GPC5: variants seen among roughly 807,000 people sequenced by gnomAD.
GPC5 encodes the protein glypican 5, also known as glypican-5.
A neutral mutation model predicts 53.9 loss-of-function variants in GPC5; 47 were observed. The observed-to-expected ratio is 0.87, with a 90% CI of 0.69 to 1.11. The LOEUF (loss-of-function observed/expected upper bound fraction) is 1.11, where lower values mean the gene tolerates loss of function less well. Among genes scored for constraint, GPC5 ranks in the 50% most tolerant of loss-of-function variants. The pLI, the probability that GPC5 is intolerant of heterozygous loss-of-function variation, is 0.00. For missense variants in GPC5, 748 were observed against 713.1 expected (o/e 1.05, Z -0.56); for synonymous variants, 286 against 263.3 (o/e 1.09, Z -0.84).
intron 7 of GPC5, among the ~76,000 whole-genome samples, chr13:92,796,431 A>T (rs757804495): frequency 6.6e-6 from 1 of 152,058 alleles, no homozygotes; most frequent in Non-Finnish European, 1.5e-5. Context: ...TTATGGGTGC[A>T]GCAAACCAAC....
At chr13:92,558,004 A>G (rs1269546357) in intron 7 of GPC5, among the ~76,000 whole-genome samples, 2 of 152,032 alleles carry the variant, frequency 1.3e-5, no homozygotes, top group Non-Finnish European at 2.9e-5. Flanking sequence ...GATAAATATA[A>G]AGACTTTGGA....
At chr13:91,607,825 C>T (rs1411535141) in intron 2 of GPC5, among the ~76,000 whole-genome samples, 1 of 152,120 alleles carries the variant, frequency 6.6e-6, no homozygotes, top group African/African-American at 2.4e-5. Flanking sequence ...TAAATTAAGG[C>T]GTGGACCTTT....
At chr13:91,992,519 G>A (rs947304511) in intron 6 of GPC5, among the ~76,000 whole-genome samples, 16 of 150,146 alleles carry the variant, frequency 1.1e-4, no homozygotes, top group Admixed American at 2.7e-4. Context: ...GTGCAGTGGC[G>A]CGATCTTGGC....
intron 6 of GPC5, among the ~76,000 whole-genome samples, chr13:92,009,571 T>C (rs1214669988): frequency 6.6e-6 from 1 of 152,190 alleles, no homozygotes; most frequent in African/African-American, 2.4e-5. Flanking sequence ...CTTACACATA[T>C]GCAGCTTTTA....
rs116077317 is a variant in GPC5, at chr13:92,369,142, T to A, written c.1561+224153T>A. ...GACAGTTAAACATCAGCTGTGAATA[T>A]ATCATCAATGCACCTTTAGAACTGT... is the stretch of plus-strand genomic sequence containing the variant. On this transcript the variant is annotated intron_variant, in intron 7 of 7. Coordinates refer to ENST00000377067, the MANE Select transcript of GPC5 (RefSeq NM_004466.6). Among the ~76,000 whole-genome samples, 873 of 152,358 alleles carry A rather than the reference T, an allele frequency of 5.7e-3. 9 individuals carry two copies. The highest frequency in any genetic ancestry group is 0.02 in the African/African-American group (836 of 41,582).
chr13:92,082,089 A>G (rs1163369456), intron 6 of GPC5, among the ~76,000 whole-genome samples: 1 of 152,168 alleles, frequency 6.6e-6, no homozygotes, highest in Non-Finnish European at 1.5e-5. Context: ...TAAAATGAAG[A>G]TAGCATCATT....
intron 7 of GPC5, among the ~76,000 whole-genome samples, chr13:92,646,394 A>C (rs1031724742): frequency 1.3e-5 from 2 of 152,106 alleles, no homozygotes; most frequent in African/African-American, 4.8e-5. Flanking sequence ...ACTTTACCTC[A>C]ATGCAACCCT....
intron 7 of GPC5, among the ~76,000 whole-genome samples, chr13:92,301,063 T>TA (rs2043071946): frequency 6.6e-6 from 1 of 152,122 alleles, no homozygotes; most frequent in Non-Finnish European, 1.5e-5. Context: ...ACATAGTATG[T>TA]AAAAAAGGAG....
chr13:91,497,411 T>C (rs1884333481), intron 2 of GPC5, among the ~76,000 whole-genome samples: 1 of 152,208 alleles, frequency 6.6e-6, no homozygotes, highest in South Asian at 2.1e-4. Context: ...CTCTAAATAA[T>C]GGCTCATTAT....
chr13:91,782,330 T>C (rs1394077075), intron 5 of GPC5, among the ~76,000 whole-genome samples: 1 of 152,144 alleles, frequency 6.6e-6, no homozygotes, highest in Non-Finnish European at 1.5e-5. Context: ...TACCCGAGAC[T>C]GGCCCATTTA....
chr13:91,510,311 T>C (rs1885168783), intron 2 of GPC5, among the ~76,000 whole-genome samples: 1 of 152,164 alleles, frequency 6.6e-6, no homozygotes, highest in African/African-American at 2.4e-5. Context: ...AACAAGCTCA[T>C]AGATAGATGC....
rs183664660 is a variant in GPC5 at position 91,472,100 on chromosome 13, A to G, written c.325+23178A>G. Reference sequence around the variant, plus strand: ...TCCTTCTGCAATAGGTCTTGTTTCCAGAATTCTCTGTTCAATCAATTGTGT... The same window carrying G: ...TCCTTCTGCAATAGGTCTTGTTTCCGGAATTCTCTGTTCAATCAATTGTGT... On this transcript the variant is annotated intron_variant, in intron 2 of 7. Transcript: ENST00000377067. 7.4e-3 allele frequency among the ~76,000 whole-genome samples: 1,130 copies of G among 152,264 alleles called. 7 individuals are homozygous for G. The highest frequency in any genetic ancestry group is 0.017 in the Middle Eastern group (5 of 294).
intron 7 of GPC5, among the ~76,000 whole-genome samples, chr13:92,234,615 A>G (rs2042556589): frequency 6.6e-6 from 1 of 151,472 alleles, no homozygotes; most frequent in Non-Finnish European, 1.5e-5. Context: ...TAGGAGATAT[A>G]TGGCGGTGGT....
intron 7 of GPC5, among the ~76,000 whole-genome samples, chr13:92,340,234 A>G (rs2043355003): frequency 6.6e-6 from 1 of 152,282 alleles, no homozygotes; most frequent in South Asian, 2.1e-4. Context: ...TTTCAAGGAA[A>G]CAGTCATGGT....
At chr13:92,364,743 A>G (rs752000741) in intron 7 of GPC5, among the ~76,000 whole-genome samples, 1 of 151,814 alleles carries the variant, frequency 6.6e-6, no homozygotes, top group Non-Finnish European at 1.5e-5. Flanking sequence ...AACAAAAATA[A>G]TAAGTAATAA....
chr13:91,699,810 A>G (rs1414495907), intron 3 of GPC5, among the ~76,000 whole-genome samples: 1 of 152,202 alleles, frequency 6.6e-6, no homozygotes, highest in Non-Finnish European at 1.5e-5. Context: ...GATCTTTTCT[A>G]AAGGTTTTCA....
At chr13:92,689,423 A>G in intron 7 of GPC5, among the ~76,000 whole-genome samples, 1 of 50,142 alleles carries the variant, frequency 2.0e-5, no homozygotes, top group Non-Finnish European at 4.2e-5. Flanking sequence ...GGCTTGGTAG[A>G]TCTTCCTCCA....
chr13:91,928,731 A>G (rs749166541), intron 6 of GPC5, among the ~76,000 whole-genome samples: 1 of 152,066 alleles, frequency 6.6e-6, no homozygotes, highest in Non-Finnish European at 1.5e-5. Context: ...AGAAATACAC[A>G]CCCCATTCTC....
chr13:92,595,767 C>CAAAAAAA (rs35255458), intron 7 of GPC5, among the ~76,000 whole-genome samples: 4 of 93,402 alleles, frequency 4.3e-5, no homozygotes, highest in East Asian at 3.2e-4. Flanking sequence ...GACTCTGTCT[C>CAAAAAAA]AAAAAAAAAA....
Sources: gnomAD v4.1 joint callset for allele counts (sites outside exome capture counted in the v4.1 genomes callset) on GRCh38, gnomAD v4.1.1 for gene constraint, MANE v1.5 for transcripts, NCBI Gene and HGNC (gene_info 2026-07-23, HGNC 2026-07-21) for gene names.